The following TCF12 variants were observed in gnomAD, a reference collection of about 807,000 sequenced individuals.
TCF12 encodes the protein transcription factor 12, also known as DNA-binding protein HTF4.
In TCF12, 45 loss-of-function variants were observed where a neutral mutation model predicts 86.0. The ratio of observed to expected loss-of-function variants is 0.52; its 90% CI spans 0.41 to 0.67. The LOEUF is 0.67. Ranked by LOEUF, TCF12 falls within the 30% of genes least tolerant of loss-of-function variation. The pLI, the probability that TCF12 is intolerant of heterozygous loss-of-function variation, is 0.00. For missense variants in TCF12, 881 were observed against 859.9 expected, an observed-to-expected ratio of 1.02 and a Z score of -0.31; for synonymous variants, 330 against 299.6, an observed-to-expected ratio of 1.10 and a Z score of -1.05.
At chr15:57,071,354 T>A (rs73413357) in intron 4 of TCF12, among the ~76,000 whole-genome samples, 4,048 of 150,276 alleles carry the variant, frequency 0.027, 176 homozygotes, top group African/African-American at 0.095. Context: ...GAGGTTGTAG[T>A]GAAGAAAAAA....
At position 57,022,271 on chromosome 15, in the gene TCF12, A is replaced by G. The variant is rs79145163; in HGVS notation, c.149-41479A>G. On this transcript the variant is annotated intron_variant, in intron 3 of 20. Coordinates refer to ENST00000333725, the MANE Select transcript of TCF12 (RefSeq NM_207037.2). ...TGTGATGTTCCCCATCCTGTGTCCA[A>G]GTGTTCTCATTGTTCATTTCCCACC... Among the ~76,000 whole-genome samples, 5 of 151,792 alleles carry G rather than the reference A, an allele frequency of 3.3e-5. No individual in the cohort carries two copies. The East Asian group carries it at 5.8e-4, about 18-fold the overall frequency.
intron 8 of TCF12, among the ~76,000 whole-genome samples, chr15:57,212,982 C>T (rs570050817): frequency 6.6e-6 from 1 of 152,176 alleles, no homozygotes; most frequent in African/African-American, 2.4e-5. Context: ...TACTTCTGCC[C>T]TACTGCATAC....
intron 5 of TCF12, among the ~76,000 whole-genome samples, chr15:57,093,363 A>G (rs939006449): frequency 6.6e-6 from 1 of 152,222 alleles, no homozygotes; most frequent in African/African-American, 2.4e-5. Context: ...TAGGGCAAGT[A>G]AAAGTCCGTG....
intron 3 of TCF12, 38 bp from the exon 4 acceptor site, chr15:57,063,712 T>C (rs776503647): frequency 6.4e-7 from 1 of 1,552,036 alleles, no homozygotes; most frequent in Non-Finnish European, 8.8e-7. Context: ...CACAAAAGTA[T>C]GTTTTTAGAT....
chr15:57,285,746 G>A (rs542024113), intron 20 of TCF12, among the ~76,000 whole-genome samples: 1 of 152,274 alleles, frequency 6.6e-6, no homozygotes, highest in Admixed American at 6.5e-5. Flanking sequence ...TTGTGATTCT[G>A]TAATCGCATG....
Position 57,286,666 on chromosome 15 carries a change from C to T in TCF12, c.*521C>T, listed in dbSNP as rs1441393419. 1 of 456,556 alleles carries T rather than the reference C, an allele frequency of 2.2e-6. No individual in the cohort carries two copies. The highest frequency in any genetic ancestry group is 6.9e-5 in the East Asian group (1 of 14,406). The allele number at this position is 456,556 out of a possible 1,614,324, so 28.3% of individuals were successfully genotyped here. ...ATTGGCCCTTAGCATTCCCGGCATA[C>T]CTATTAGTGTCTTAAAAAGGAAGGG... On this transcript the variant is annotated 3_prime_UTR_variant, in exon 21 of 21. Transcript: ENST00000333725.
intron 7 of TCF12, among the ~76,000 whole-genome samples, chr15:57,194,981 C>T (rs1333139790): frequency 6.6e-6 from 1 of 152,188 alleles, no homozygotes. Flanking sequence ...CGGCTCACTG[C>T]AACCTCTGCC....
chr15:57,253,266 C>A lies in TCF12; in HGVS notation c.1265C>A (p.Ser422Tyr). The change falls in exon 16 of 21, where the codon TCT (serine) becomes TAT (tyrosine). Residue 422 changes from serine to tyrosine, a missense_variant. By Grantham distance (144) the Ser-to-Tyr change is moderately radical. Coordinates refer to ENST00000333725, the MANE Select transcript of TCF12 (RefSeq NM_207037.2). ...TTTTTTTTTTAATCCATACAGCAGT[C>A]TCGAATGGAGGATCGTTTAGACAGA... ...MSFLKDVCEQSRMEDRLDRLD... is the reference protein window; with the variant it reads ...MSFLKDVCEQYRMEDRLDRLD... The A allele has an allele frequency of 6.2e-7, 1 of 1,613,858 alleles. No individual in the cohort carries two copies. The highest frequency in any genetic ancestry group is 8.5e-7 in the Non-Finnish European group (1 of 1,179,880).
At chr15:56,927,387 A>C (rs1440127431) in intron 3 of TCF12, among the ~76,000 whole-genome samples, 1 of 152,104 alleles carries the variant, frequency 6.6e-6, no homozygotes, top group Non-Finnish European at 1.5e-5. Flanking sequence ...AAATTGATTT[A>C]TTTCCTTTTT....
chr15:57,180,676 A>G (rs1567578295), intron 6 of TCF12, among the ~76,000 whole-genome samples: 1 of 152,096 alleles, frequency 6.6e-6, no homozygotes. Flanking sequence ...CAGAGGTTCC[A>G]TGAATTCATA....
intron 3 of TCF12, among the ~76,000 whole-genome samples, chr15:56,929,967 T>G (rs1017096745): frequency 7.9e-5 from 12 of 152,190 alleles, no homozygotes; most frequent in African/African-American, 2.9e-4. Context: ...TCAAAAGTTG[T>G]CAGTGTATTT....
intron 5 of TCF12, among the ~76,000 whole-genome samples, chr15:57,118,920 A>G (rs2051026031): frequency 6.6e-6 from 1 of 152,206 alleles, no homozygotes; most frequent in Non-Finnish European, 1.5e-5. Context: ...GAAAGTGTTC[A>G]GATTTTCAAA....
intron 5 of TCF12, among the ~76,000 whole-genome samples, chr15:57,122,058 T>C (rs1163748417): frequency 6.7e-6 from 1 of 149,778 alleles, no homozygotes; most frequent in Non-Finnish European, 1.5e-5. Context: ...ATTTAAAATG[T>C]TTTCACTTTT....
chr15:57,270,364 G>A (rs1197773820), intron 18 of TCF12, among the ~76,000 whole-genome samples: 1 of 152,142 alleles, frequency 6.6e-6, no homozygotes, highest in Non-Finnish European at 1.5e-5. Context: ...ATTGAAGCTT[G>A]TGTATGCTTC....
rs2059724408 is a variant in TCF12 at position 57,243,545 on chromosome 15, T to C, written c.1109T>C (p.Leu370Pro). 1 of 1,613,346 alleles carries C rather than the reference T, an allele frequency of 6.2e-7. No individual in the cohort carries two copies. The highest frequency in any genetic ancestry group is 8.5e-7 in the Non-Finnish European group (1 of 1,179,482). The change falls in exon 13 of 21, where the codon CTC becomes CCC. Residue 370 changes from leucine (L) to proline (P), a missense_variant. Transcript: ENST00000333725. ...PSTPVGSPSPLTGTSQWPRPG... is the reference protein window; with the variant it reads ...PSTPVGSPSPPTGTSQWPRPG... The stretch of plus-strand genomic sequence containing the variant: ...ACACCAGTTGGATCACCTTCACCTC[T>C]CACAGGTAGGCTTCTGTTTTATCTA...
At chr15:57,161,487 T>G (rs1435071673) in intron 5 of TCF12, among the ~76,000 whole-genome samples, 1 of 152,236 alleles carries the variant, frequency 6.6e-6, no homozygotes, top group African/African-American at 2.4e-5. Flanking sequence ...CCATGTAAGT[T>G]TAGCTACTTA....
intron 6 of TCF12, among the ~76,000 whole-genome samples, chr15:57,178,976 C>T (rs748378055): frequency 4.0e-5 from 6 of 151,512 alleles, no homozygotes; most frequent in Non-Finnish European, 8.8e-5. Context: ...ATCTACATCC[C>T]GGATCTCTCT....
chr15:57,014,131 C>T (rs1270870931), intron 3 of TCF12, among the ~76,000 whole-genome samples: 2 of 152,118 alleles, frequency 1.3e-5, no homozygotes, highest in Non-Finnish European at 2.9e-5. Context: ...ACCTTTGACT[C>T]CTTGGGTCTA....
At chr15:57,171,653 C>T (rs2055509875) in intron 6 of TCF12, among the ~76,000 whole-genome samples, 1 of 152,240 alleles carries the variant, frequency 6.6e-6, no homozygotes, top group Admixed American at 6.5e-5. Flanking sequence ...TAATATGTTG[C>T]TAAATGAGTG....
Sources: gnomAD v4.1 joint callset for allele counts (sites outside exome capture counted in the v4.1 genomes callset) on GRCh38, gnomAD v4.1.1 for gene constraint, MANE v1.5 for transcripts, NCBI Gene and HGNC (gene_info 2026-07-23, HGNC 2026-07-21) for gene names.